The following DSCAM variants were observed in gnomAD, a reference collection of about 807,000 sequenced individuals.
DSCAM encodes DS cell adhesion molecule.
In DSCAM, 47 loss-of-function variants were observed where a neutral mutation model predicts 217.7. The ratio of observed to expected loss-of-function variants is 0.22; its 90% CI spans 0.17 to 0.28. The LOEUF (loss-of-function observed/expected upper bound fraction) is 0.28, where lower values mean the gene tolerates loss of function less well. Among genes scored for constraint, DSCAM ranks in the 10% least tolerant of loss-of-function variants. The pLI, the probability that DSCAM is intolerant of heterozygous loss-of-function variation, is 1.00. For synonymous variants in DSCAM, 1,056 were observed against 1,015.3 expected (o/e 1.04, Z -0.76); for missense variants, 2,080 against 2,618.3 (o/e 0.79, Z 4.49).
intron 3 of DSCAM, among the ~76,000 whole-genome samples, chr21:40,494,679 C>T (rs927166528): frequency 2.1e-4 from 32 of 151,090 alleles, no homozygotes; most frequent in African/African-American, 7.3e-4. Context: ...TTCAAATAAC[C>T]TAAAGTTACA....
chr21:40,436,750 G>A (rs191061351), intron 3 of DSCAM, among the ~76,000 whole-genome samples: 7 of 152,280 alleles, frequency 4.6e-5, no homozygotes, highest in East Asian at 3.9e-4. Context: ...AAACAGCAGC[G>A]CATTAAGTCA....
chr21:40,528,784 G>A (rs184116424), intron 3 of DSCAM, among the ~76,000 whole-genome samples: 18 of 151,806 alleles, frequency 1.2e-4, no homozygotes, highest in East Asian at 9.7e-4. Context: ...TCTGCTTTCA[G>A]AATCCTAGAG....
intron 6 of DSCAM, among the ~76,000 whole-genome samples, chr21:40,346,556 C>T (rs573070084): frequency 6.6e-6 from 1 of 152,144 alleles, no homozygotes; most frequent in Admixed American, 6.5e-5. Flanking sequence ...TCCAACAAGA[C>T]ACACAAATAC....
chr21:40,483,585 C>A (rs773449339), intron 3 of DSCAM, among the ~76,000 whole-genome samples: 11 of 151,966 alleles, frequency 7.2e-5, no homozygotes, highest in Non-Finnish European at 1.2e-4. Context: ...TTTTTATTTT[C>A]CTGTATAACG....
chr21:40,178,717 T>C (rs1037942519), intron 15 of DSCAM, among the ~76,000 whole-genome samples: 9 of 152,224 alleles, frequency 5.9e-5, no homozygotes, highest in African/African-American at 2.2e-4. Context: ...TATGGGAAAC[T>C]TGAACTAAAT....
intron 3 of DSCAM, among the ~76,000 whole-genome samples, chr21:40,651,289 G>A (rs1026623940): frequency 6.6e-6 from 1 of 152,124 alleles, no homozygotes; most frequent in Non-Finnish European, 1.5e-5. Flanking sequence ...AGGGTCTTCA[G>A]GCAAATTACT....
chr21:40,378,748 C>T (rs1223038474), intron 3 of DSCAM, among the ~76,000 whole-genome samples: 6 of 151,442 alleles, frequency 4.0e-5, no homozygotes, highest in Non-Finnish European at 5.9e-5. Context: ...CCCGCTACCA[C>T]GCCCGGCTAA....
At chr21:40,213,653 G>A (rs766727274) in intron 11 of DSCAM, among the ~76,000 whole-genome samples, 16 of 152,178 alleles carry the variant, frequency 1.1e-4, no homozygotes, top group Non-Finnish European at 2.1e-4. Context: ...GGGAAACCTG[G>A]CTTGGAGATG....
intron 3 of DSCAM, among the ~76,000 whole-genome samples, chr21:40,481,388 G>T (rs1033142583): frequency 6.6e-6 from 1 of 151,968 alleles, no homozygotes; most frequent in African/African-American, 2.4e-5. Context: ...TACTCGGGAG[G>T]CTGAGGGAGG....
At chr21:40,578,300 T>C (rs1568917696) in intron 3 of DSCAM, among the ~76,000 whole-genome samples, 1 of 152,182 alleles carries the variant, frequency 6.6e-6, no homozygotes. Context: ...TCAGTTGGGC[T>C]TCTGGGTAGG....
chr21:40,014,620 G>C (rs775236598), intron 32 of DSCAM, among the ~76,000 whole-genome samples: 1 of 152,070 alleles, frequency 6.6e-6, no homozygotes, highest in African/African-American at 2.4e-5. Context: ...GAAGTGCACC[G>C]CAGCCTGACG....
chr21:40,174,788 A>G (rs1047179495), intron 15 of DSCAM, among the ~76,000 whole-genome samples: 1 of 152,174 alleles, frequency 6.6e-6, no homozygotes, highest in Non-Finnish European at 1.5e-5. Flanking sequence ...TTAACATCGA[A>G]TTTAAAAGTT....
At chr21:40,738,883 C>T (rs1357555836) in intron 1 of DSCAM, among the ~76,000 whole-genome samples, 3 of 152,118 alleles carry the variant, frequency 2.0e-5, no homozygotes, top group Admixed American at 6.5e-5. Flanking sequence ...TCAGCAGGGG[C>T]GAGTCACACG....
intron 3 of DSCAM, among the ~76,000 whole-genome samples, chr21:40,540,678 G>A (rs1489868927): frequency 6.6e-6 from 1 of 152,044 alleles, no homozygotes; most frequent in Non-Finnish European, 1.5e-5. Flanking sequence ...AGGCTACTGG[G>A]TCCCGCATCT....
intron 2 of DSCAM, among the ~76,000 whole-genome samples, chr21:40,704,010 A>G (rs1417025843): frequency 6.6e-6 from 1 of 152,142 alleles, no homozygotes; most frequent in South Asian, 2.1e-4. Flanking sequence ...AATGTGATAC[A>G]TTTGTGACAA....
In DSCAM at chr21:40,763,629, G is replaced by GTA. The variant is rs1360033250; in HGVS notation, c.44-54860_44-54859dup. 5.9e-5 allele frequency among the ~76,000 whole-genome samples: 9 copies of GTA among 152,236 alleles called. 1 individual carries two copies. Among genetic ancestry groups the GTA allele is most frequent in the Middle Eastern group, 6.8e-3 (2 of 294 alleles). ...CATACGGAATCAAAAAAGAGCCTGT[G>GTA]TAGCCAAGACAACTCTAAACAAAAA... On this transcript the variant is annotated intron_variant, in intron 1 of 32. Transcript: ENST00000400454.
chr21:40,169,540 C>A (rs2090633158), intron 15 of DSCAM, among the ~76,000 whole-genome samples: 1 of 152,036 alleles, frequency 6.6e-6, no homozygotes, highest in South Asian at 2.1e-4. Flanking sequence ...GAGGACCAAG[C>A]AGGAAGCTGA....
At chr21:40,547,567 C>T (rs1050389733) in intron 3 of DSCAM, among the ~76,000 whole-genome samples, 3 of 152,040 alleles carry the variant, frequency 2.0e-5, no homozygotes, top group South Asian at 2.1e-4. Flanking sequence ...GGAGACAGAA[C>T]GCAAAGTAGG....
chr21:40,636,964 G>A (rs2146329147), intron 3 of DSCAM, among the ~76,000 whole-genome samples: 1 of 149,736 alleles, frequency 6.7e-6, no homozygotes, highest in East Asian at 2.0e-4. Context: ...ATCTCTGTCT[G>A]TGGTGAGTTA....
Sources: allele counts gnomAD v4.1 joint callset (sites outside exome capture counted in the v4.1 genomes callset), GRCh38; gene constraint gnomAD v4.1.1; transcripts MANE v1.5; gene names NCBI Gene and HGNC (gene_info 2026-07-23, HGNC 2026-07-21).